The following LDB2 variants were observed in gnomAD, a reference collection of about 807,000 sequenced individuals.
LDB2 encodes the protein LIM domain-binding protein 2.
In LDB2, 12 loss-of-function variants were observed where a neutral mutation model predicts 44.3. The ratio of observed to expected loss-of-function variants is 0.27; its 90% CI spans 0.17 to 0.44. LDB2 has a LOEUF of 0.44. Ranked by LOEUF, LDB2 falls within the 20% of genes least tolerant of loss-of-function variation. The pLI is 1.00. For synonymous variants in LDB2, 164 were observed against 174.8 expected (o/e 0.94, Z 0.49); for missense variants, 344 against 473.5 (o/e 0.73, Z 2.54).
At chr4:16,845,743 A>G (rs564368251) in intron 1 of LDB2, among the ~76,000 whole-genome samples, 1 of 152,184 alleles carries the variant, frequency 6.6e-6, no homozygotes, top group South Asian at 2.1e-4. Context: ...TTCAAGTACT[A>G]CTAGTCCTAA....
chr4:16,764,910 G>A (rs528923156), intron 1 of LDB2, among the ~76,000 whole-genome samples: 34 of 152,276 alleles, frequency 2.2e-4, no homozygotes, highest in Admixed American at 2.1e-3. Flanking sequence ...TTCCGCTAAA[G>A]TTTAGAGGCA....
chr4:16,839,550 G>A (rs140183196), intron 1 of LDB2, among the ~76,000 whole-genome samples: 58 of 152,250 alleles, frequency 3.8e-4, no homozygotes, highest in Admixed American at 2.7e-3. Flanking sequence ...CACCCAGTTT[G>A]GTGGTGATGA....
chr4:16,508,494 G>T, intron 7 of LDB2, 41 bp downstream of exon 7: 2 of 1,470,114 alleles, frequency 1.4e-6, no homozygotes, highest in Non-Finnish European at 1.8e-6. Flanking sequence ...GTAGGAAGCA[G>T]ACAGTTAGGA....
rs532792225 is a variant in LDB2, at chr4:16,883,443, A to G, written c.132+14911T>C. On this transcript the variant is annotated intron_variant, in intron 1 of 7. Transcript: ENST00000304523. Reference sequence around the variant, plus strand: ...AAAGATTCAAGAAAAACACACATTCAATGCACAAAGCATATGGGCCTGCAA... The same window carrying G: ...AAAGATTCAAGAAAAACACACATTCGATGCACAAAGCATATGGGCCTGCAA... Among the ~76,000 whole-genome samples, 7 of 152,344 alleles carry G rather than the reference A, an allele frequency of 4.6e-5. 1 individual carries two copies. The highest frequency in any genetic ancestry group is 1.7e-4 in the African/African-American group (7 of 41,580).
chr4:16,841,661 A>G (rs1251838852), intron 1 of LDB2, among the ~76,000 whole-genome samples: 1 of 152,160 alleles, frequency 6.6e-6, no homozygotes, highest in African/African-American at 2.4e-5. Context: ...CTTCTTTGAG[A>G]TAGGATGCAG....
intron 2 of LDB2, among the ~76,000 whole-genome samples, chr4:16,602,543 C>T (rs750882620): frequency 9.9e-5 from 15 of 152,054 alleles, no homozygotes; most frequent in Non-Finnish European, 4.4e-5. Flanking sequence ...AAATGGCTTC[C>T]GTTTTATCCT....
chr4:16,505,817 TC>T, intron 7 of LDB2: 1 of 1,522,776 alleles, frequency 6.6e-7, no homozygotes, highest in Non-Finnish European at 8.8e-7. Context: ...TTCTCACTAA[TC>T]CCCCGTGCAA....
intron 1 of LDB2, among the ~76,000 whole-genome samples, chr4:16,789,903 G>A (rs11736178): frequency 1.3e-5 from 2 of 152,192 alleles, no homozygotes; most frequent in South Asian, 2.1e-4. Context: ...CTGCACTCTA[G>A]CCTGGGTGAC....
At chr4:16,729,353 C>T (rs1157331664) in intron 2 of LDB2, among the ~76,000 whole-genome samples, 1 of 152,050 alleles carries the variant, frequency 6.6e-6, no homozygotes, top group Admixed American at 6.6e-5. Context: ...CGCACATTTG[C>T]TTACAGGGGA....
Position 16,806,910 on chromosome 4 carries a change from T to C in LDB2, c.133-47650A>G, listed in dbSNP as rs542736183. ...AACACAGCCTATCTCATAGCATTGT[T>C]TGGAAAATCAAGTGAGATAATACAC... On this transcript the variant is annotated intron_variant, in intron 1 of 7. Coordinates refer to ENST00000304523, the MANE Select transcript of LDB2 (RefSeq NM_001290.5). Among the ~76,000 whole-genome samples the C allele has an allele frequency of 7.9e-5, 12 of 152,328 alleles. No homozygotes were observed. In the South Asian group the frequency reaches 2.3e-3, roughly 29 times the overall value.
At chr4:16,881,903 G>A (rs981373494) in intron 1 of LDB2, among the ~76,000 whole-genome samples, 2 of 152,086 alleles carry the variant, frequency 1.3e-5, no homozygotes, top group South Asian at 2.1e-4. Flanking sequence ...AGATGTTTAC[G>A]CAGTCTAATT....
chr4:16,746,064 G>A (rs1546182), intron 2 of LDB2, among the ~76,000 whole-genome samples: 30,263 of 151,904 alleles, frequency 0.2, 4,533 homozygotes, highest in African/African-American at 0.41. Flanking sequence ...ATGGAATGAC[G>A]CATGGTCACC....
intron 1 of LDB2, among the ~76,000 whole-genome samples, chr4:16,768,972 C>T (rs1485888387): frequency 6.6e-6 from 1 of 152,204 alleles, no homozygotes; most frequent in East Asian, 1.9e-4. Context: ...TGGCTACTGG[C>T]TAGCAAGTTT....
intron 1 of LDB2, among the ~76,000 whole-genome samples, chr4:16,779,070 T>C (rs1448915719): frequency 6.6e-6 from 1 of 152,234 alleles, no homozygotes; most frequent in African/African-American, 2.4e-5. Flanking sequence ...TGTGTTCTTT[T>C]GTTCTAGGAA....
chr4:16,701,606 G>A (rs1753449927), intron 2 of LDB2, among the ~76,000 whole-genome samples: 1 of 152,202 alleles, frequency 6.6e-6, no homozygotes. Flanking sequence ...ATGCAGAGGA[G>A]TTAAGTAACC....
At chr4:16,835,305 C>T (rs1238446980) in intron 1 of LDB2, among the ~76,000 whole-genome samples, 2 of 152,202 alleles carry the variant, frequency 1.3e-5, no homozygotes, top group Non-Finnish European at 2.9e-5. Flanking sequence ...ACACCCCAGA[C>T]AGAGGTAGCC....
chr4:16,535,911 T>TA (rs1303186417), intron 5 of LDB2, among the ~76,000 whole-genome samples: 1 of 152,118 alleles, frequency 6.6e-6, no homozygotes, highest in Non-Finnish European at 1.5e-5. Flanking sequence ...AAAGGAATAA[T>TA]AAAAAACGTG....
At chr4:16,671,486 C>T (rs1744758028) in intron 2 of LDB2, among the ~76,000 whole-genome samples, 1 of 152,098 alleles carries the variant, frequency 6.6e-6, no homozygotes, top group Admixed American at 6.5e-5. Flanking sequence ...CCTCCAGGTC[C>T]CTACTGTCTC....
At chr4:16,776,592 G>A (rs1579562992) in intron 1 of LDB2, among the ~76,000 whole-genome samples, 1 of 152,256 alleles carries the variant, frequency 6.6e-6, no homozygotes. Context: ...CCTACTTTGC[G>A]CGAGACACTC....
Sources: gnomAD v4.1 joint callset for allele counts (sites outside exome capture counted in the v4.1 genomes callset) on GRCh38, gnomAD v4.1.1 for gene constraint, MANE v1.5 for transcripts, NCBI Gene and HGNC (gene_info 2026-07-23, HGNC 2026-07-21) for gene names.